Variants in SPECC1 observed in about 807,000 individuals in gnomAD.
SPECC1 encodes the protein sperm antigen with calponin homology and coiled-coil domains 1.
In SPECC1, 62 loss-of-function variants were observed where a neutral mutation model predicts 104.1. The ratio of observed to expected loss-of-function variants is 0.60; its 90% CI spans 0.49 to 0.74. The LOEUF (loss-of-function observed/expected upper bound fraction) is 0.74. Ranked by LOEUF, SPECC1 falls within the 30% of genes least tolerant of loss-of-function variation. The pLI, the probability that SPECC1 is intolerant of heterozygous loss-of-function variation, is 0.00. For missense variants in SPECC1, 1,306 were observed against 1,310.5 expected, an observed-to-expected ratio of 1.00 and a Z score of 0.05; for synonymous variants, 513 against 501.6, an observed-to-expected ratio of 1.02 and a Z score of -0.30.
intron 3 of SPECC1, among the ~76,000 whole-genome samples, chr17:20,115,973 T>C (rs1342699043): frequency 2.0e-5 from 3 of 152,250 alleles, no homozygotes; most frequent in Non-Finnish European, 4.4e-5. Flanking sequence ...TTGTATGCTT[T>C]GAATTTCCTG....
intron 3 of SPECC1, among the ~76,000 whole-genome samples, chr17:20,115,670 T>C (rs2048720212): frequency 6.6e-6 from 1 of 152,194 alleles, no homozygotes; most frequent in African/African-American, 2.4e-5. Context: ...GAAGAAAAAC[T>C]GTAGTTATCT....
chr17:20,155,830 G>T, intron 3 of SPECC1: 1 of 811,832 alleles, frequency 1.2e-6, no homozygotes, highest in Non-Finnish European at 1.5e-6. Context: ...GGTGCGTCCC[G>T]CCCACGGCGC....
At chr17:20,158,116 T>G (rs1404191338) in intron 3 of SPECC1, among the ~76,000 whole-genome samples, 1 of 152,218 alleles carries the variant, frequency 6.6e-6, no homozygotes, top group Admixed American at 6.5e-5. Context: ...TTCAGTCGGC[T>G]TTACCACAGG....
chr17:20,066,560 A>G (rs912743135), intron 1 of SPECC1, among the ~76,000 whole-genome samples: 5 of 152,178 alleles, frequency 3.3e-5, no homozygotes, highest in African/African-American at 7.2e-5. Context: ...ATAGTTGGTC[A>G]TCTTACTCTG....
chr17:20,248,886 A>G (rs1191904216), intron 9 of SPECC1, among the ~76,000 whole-genome samples: 3 of 152,150 alleles, frequency 2.0e-5, no homozygotes, highest in Non-Finnish European at 4.4e-5. Flanking sequence ...TTCCTGCCTT[A>G]AAATGTCTTT....
intron 3 of SPECC1, among the ~76,000 whole-genome samples, chr17:20,145,598 C>G (rs993935801): frequency 1.3e-5 from 2 of 152,174 alleles, no homozygotes; most frequent in African/African-American, 4.8e-5. Context: ...AGAACTTTCC[C>G]CAGCCTTCCT....
Position 20,205,240 on chromosome 17 carries a change from A to C in SPECC1, c.1191A>C (p.Glu397Asp). The C allele has an allele frequency of 6.2e-7, 1 of 1,614,202 alleles. No individual in the cohort carries two copies. The highest frequency in any genetic ancestry group is 2.2e-5 in the East Asian group (1 of 44,884). Residue 397 changes from glutamate (E) to aspartate (D), a missense_variant, in exon 4 of 15, where the codon GAA (glutamate) becomes GAC (aspartate). Glu to Asp is a conservative substitution (Grantham distance 45). This residue lies in a region of SPECC1 where 1,177 missense variants were observed against 1,139.9 expected (regional missense o/e 1.03). Coordinates refer to ENST00000395527, the MANE Select transcript of SPECC1 (RefSeq NM_001243439.2). ...AAGAACTACAGGCTACTCTACAAGA[A>C]TTATCAGACCAGCAACAAATGGTAC... ...TAEELQATLQ[E>D]LSDQQQMVQE...
chr17:20,143,167 C>T (rs568229680), intron 3 of SPECC1, among the ~76,000 whole-genome samples: 63 of 120,754 alleles, frequency 5.2e-4, no homozygotes, highest in African/African-American at 1.9e-3. Flanking sequence ...CAGGAATATT[C>T]TTTATAGGAA....
Position 20,247,388 on chromosome 17 carries a change from A to T in SPECC1, c.2598+69A>T. 4.5e-6 allele frequency: 5 copies of T among 1,122,672 alleles called. No individual in the cohort carries two copies. In the South Asian group the frequency reaches 6.7e-5, roughly 15 times the overall value. The allele number at this position is 1,122,672 out of a possible 1,614,324, so 69.5% of individuals were successfully genotyped here. A position where few individuals can be genotyped will look rare whatever the true frequency, so the allele number is the denominator to read the frequency against. ...TATCCCTCTAGATGTTTTTCTTTAC[A>T]CATATTAGTGTCCGTGTGTGTATGT... On this transcript the variant is annotated intron_variant, in intron 9 of 14. Transcript: ENST00000395527.
At chr17:20,183,052 T>C (rs2035016984) in intron 3 of SPECC1, among the ~76,000 whole-genome samples, 1 of 152,032 alleles carries the variant, frequency 6.6e-6, no homozygotes, top group Admixed American at 6.6e-5. Context: ...TGTAAACAAA[T>C]AAAAGTAAAT....
chr17:20,108,228 A>G (rs974121459), intron 2 of SPECC1, among the ~76,000 whole-genome samples: 1 of 151,378 alleles, frequency 6.6e-6, no homozygotes, highest in African/African-American at 2.4e-5. Context: ...AAATTACAAA[A>G]AAAAGGAAAA....
chr17:20,305,925 G>C, intron 13 of SPECC1, 98 bp from the exon 14 acceptor site: 1 of 1,055,952 alleles, frequency 9.5e-7, no homozygotes, highest in South Asian at 1.5e-5. Flanking sequence ...CTTTATAATA[G>C]TGAATAATCT....
chr17:20,081,453 G>A (rs1033540468), intron 1 of SPECC1, among the ~76,000 whole-genome samples: 5 of 152,146 alleles, frequency 3.3e-5, no homozygotes, highest in African/African-American at 7.2e-5. Context: ...GGCCTGGGGA[G>A]CGGGGATGTG....
chr17:20,226,133 A>G (rs151261132), intron 4 of SPECC1, among the ~76,000 whole-genome samples: 314 of 152,322 alleles, frequency 2.1e-3, no homozygotes, highest in Middle Eastern at 6.8e-3. Context: ...TGGTAAATAT[A>G]CAGCTATTTA....
intron 9 of SPECC1, 73 bp from the exon 10 acceptor site, chr17:20,253,432 A>G (rs2039705640): frequency 1.4e-6 from 2 of 1,479,182 alleles, no homozygotes; most frequent in Non-Finnish European, 1.9e-6. Context: ...ACGCATGCAC[A>G]CACACACATC....
intron 1 of SPECC1, among the ~76,000 whole-genome samples, chr17:20,092,841 G>C (rs2047462460): frequency 2.0e-5 from 3 of 152,226 alleles, no homozygotes; most frequent in African/African-American, 7.2e-5. Context: ...AAGCATGGCT[G>C]AGTTCACAAT....
intron 13 of SPECC1, among the ~76,000 whole-genome samples, chr17:20,301,396 T>G (rs951387048): frequency 2.0e-5 from 3 of 149,936 alleles, no homozygotes; most frequent in Non-Finnish European, 3.0e-5. Context: ...CCCTATGTGC[T>G]CAGTGCCAGG....
intron 3 of SPECC1, chr17:20,156,120 C>T (rs2032474078): frequency 5.1e-6 from 7 of 1,374,862 alleles, no homozygotes; most frequent in South Asian, 3.4e-5. Flanking sequence ...CCTCGCCAGC[C>T]GGAGCCAGCG....
chr17:20,078,897 G>A (rs895894251), intron 1 of SPECC1, among the ~76,000 whole-genome samples: 5 of 152,150 alleles, frequency 3.3e-5, no homozygotes, highest in African/African-American at 1.2e-4. Flanking sequence ...ATATACTTCT[G>A]TGTTTGAATA....
Sources: allele counts gnomAD v4.1 joint callset (sites outside exome capture counted in the v4.1 genomes callset), GRCh38; gene constraint gnomAD v4.1.1; regional missense constraint gnomAD v4.1.1; transcripts MANE v1.5; gene names NCBI Gene and HGNC (gene_info 2026-07-23, HGNC 2026-07-21).